The following CDKL5 variants were observed in gnomAD, a reference collection of about 807,000 sequenced individuals.
CDKL5 encodes cyclin dependent kinase like 5, also known as cyclin-dependent kinase-like 5.
Under a neutral mutation model 61.7 loss-of-function variants are expected in CDKL5, and 8 were observed. That is an observed-to-expected ratio of 0.13 (90% CI 0.08 to 0.23). The LOEUF (loss-of-function observed/expected upper bound fraction) is 0.23. Ranked by LOEUF, CDKL5 falls within the 10% of genes least tolerant of loss-of-function variation. The probability of loss-of-function intolerance (pLI) is 1.00; values close to 1 mark genes in which losing one functional copy is unlikely to be tolerated. For synonymous variants in CDKL5, 275 were observed against 272.3 expected, an observed-to-expected ratio of 1.01 and a Z score of -0.10; for missense variants, 440 against 734.5, an observed-to-expected ratio of 0.60 and a Z score of 4.63.
intron 21 of CDKL5, chrX:18,653,353 G>A (rs1928128054): frequency 2.6e-6 from 3 of 1,176,281 alleles, no homozygotes; most frequent in East Asian, 3.2e-5. Flanking sequence ...TCCGTGGGGG[G>A]CCCGGGCATT....
intron 14 of CDKL5, among the ~76,000 whole-genome samples, chrX:18,610,003 A>G (rs749892422): frequency 3.6e-5 from 4 of 112,244 alleles, no homozygotes; most frequent in African/African-American, 9.7e-5. Context: ...TAATAATTAT[A>G]TAGAGCAGTA....
chrX:18,464,439 T>C (rs1932356457), intron 1 of CDKL5, among the ~76,000 whole-genome samples: 1 of 111,746 alleles, frequency 8.9e-6, no homozygotes, highest in Admixed American at 9.6e-5. Context: ...ACTGTTAATA[T>C]CTCTTTGTCT....
chrX:18,642,692 C>A (rs996101457), downstream of CDKL5, among the ~76,000 whole-genome samples: 2 of 112,661 alleles, frequency 1.8e-5, no homozygotes, highest in African/African-American at 6.4e-5. Flanking sequence ...TGTATTCCTA[C>A]TTTGATACAA....
chrX:18,628,364 C>T lies in CDKL5; in HGVS notation c.2497-7C>T, dbSNP rs1927133681. The T allele has an allele frequency of 8.3e-7, 1 of 1,210,327 alleles. No homozygotes were observed. On this transcript the variant is annotated splice_polypyrimidine_tract_variant and splice_region_variant and intron_variant, in intron 17 of 17. Coordinates refer to ENST00000623535, the MANE Select transcript of CDKL5 (RefSeq NM_001323289.2). ...AATCCTGTGTGCATTCTCATCCTTT[C>T]TTTCAGAGCCAGCCATTAAAATCAC...
At chrX:18,548,947 T>G (rs745685559) in intron 3 of CDKL5, among the ~76,000 whole-genome samples, 9 of 112,223 alleles carry the variant, frequency 8.0e-5, no homozygotes, top group Middle Eastern at 4.6e-3. Context: ...ATTTTCTTAT[T>G]TTATAAGAAA....
intron 2 of CDKL5, 52 bp from the exon 3 acceptor site, chrX:18,510,768 A>T: frequency 9.9e-7 from 1 of 1,011,020 alleles, no homozygotes; most frequent in Non-Finnish European, 1.4e-6. Context: ...AGTATAGCAG[A>T]GCTTTGTAGT....
At chrX:18,644,347 A>G (rs1927688987), downstream of CDKL5, 3 of 855,557 alleles carry the variant, frequency 3.5e-6, no homozygotes, top group East Asian at 9.3e-5. Flanking sequence ...GCTCTGACAG[A>G]GGGCAGTGAC....
chrX:18,509,091 AACACACACACAC>A (rs34278137), intron 2 of CDKL5, among the ~76,000 whole-genome samples: 18 of 74,877 alleles, frequency 2.4e-4, no homozygotes, highest in Admixed American at 2.1e-3. Flanking sequence ...ACTGTCTCAA[AACACACACACAC>A]ACACACACAC....
rs1004905224 is a variant in CDKL5 at position 18,631,025 on chromosome X, T to C, written c.*2268T>C. On this transcript the variant is annotated 3_prime_UTR_variant, in exon 18 of 18. Coordinates refer to ENST00000623535, the MANE Select transcript of CDKL5 (RefSeq NM_001323289.2). The stretch of plus-strand genomic sequence containing the variant: ...TCTGGAAAGACTTCTCACTGTGCTA[T>C]GCGCTTAGGAACTGCACGGTCCCGT... The C allele has an allele frequency of 4.0e-6, 3 of 748,155 alleles. No individual in the cohort carries two copies. The African/African-American group carries it at 7.2e-5, about 18-fold the overall frequency. The allele number at this position is 748,155 out of a possible 1,213,427, so 61.7% of individuals were successfully genotyped here.
rs1166618197 is a variant in CDKL5, at chrX:18,460,417, A to G, written c.-163+34722A>G. Reference sequence around the variant, plus strand: ...TCTCCCACCAGGCCCCGCCTCCAACATTGAGGATTACAATTGAACCTGAGA... The same window carrying G: ...TCTCCCACCAGGCCCCGCCTCCAACGTTGAGGATTACAATTGAACCTGAGA... On this transcript the variant is annotated intron_variant, in intron 1 of 17. Coordinates refer to ENST00000623535, the MANE Select transcript of CDKL5 (RefSeq NM_001323289.2). Among the ~76,000 whole-genome samples, 3 of 112,195 alleles carry G rather than the reference A, an allele frequency of 2.7e-5. No homozygotes were observed. In the East Asian group the frequency reaches 8.4e-4, roughly 31 times the overall value.
At chrX:18,444,275 C>T (rs903009375) in intron 1 of CDKL5, among the ~76,000 whole-genome samples, 1 of 110,930 alleles carries the variant, frequency 9.0e-6, no homozygotes, top group Non-Finnish European at 1.9e-5. Flanking sequence ...GATTTTTCAT[C>T]ACATCCTTCG....
chrX:18,445,633 TC>T (rs997699986), intron 1 of CDKL5, among the ~76,000 whole-genome samples: 3 of 110,715 alleles, frequency 2.7e-5, no homozygotes, highest in African/African-American at 9.9e-5. Context: ...GGGGGCGGTT[TC>T]CCCCGTGCTG....
intron 15 of CDKL5, among the ~76,000 whole-genome samples, chrX:18,617,989 CTTTCATCT>C (rs1926771183): frequency 8.9e-6 from 1 of 111,985 alleles, no homozygotes; most frequent in Non-Finnish European, 1.9e-5. Context: ...CCCCTTCTCA[CTTTCATCT>C]TATTCACCGT....
At chrX:18,489,285 C>T (rs1055139066) in intron 1 of CDKL5, among the ~76,000 whole-genome samples, 32 of 110,923 alleles carry the variant, frequency 2.9e-4, no homozygotes, top group African/African-American at 8.9e-4. Context: ...CTCAGCCTCC[C>T]GAGTAGCTGG....
At chrX:18,431,383 C>T (rs1167149076) in intron 1 of CDKL5, among the ~76,000 whole-genome samples, 1 of 110,920 alleles carries the variant, frequency 9.0e-6, no homozygotes, top group Non-Finnish European at 1.9e-5. Flanking sequence ...CATATTTCTA[C>T]ACAGGTGGGA....
At position 18,505,250 on chromosome X, in the gene CDKL5, G is replaced by A. The variant is rs190745968; in HGVS notation, c.-162-1685G>A. ...TCATACACACATATAATTTTTCTCA[G>A]TGGTTTAAGTTGTAAACATGATGCC... On this transcript the variant is annotated intron_variant, in intron 1 of 17. Coordinates refer to ENST00000623535, the MANE Select transcript of CDKL5 (RefSeq NM_001323289.2). Among the ~76,000 whole-genome samples, 637 of 110,768 alleles carry A rather than the reference G, an allele frequency of 5.8e-3. 2 individuals carry two copies. Among genetic ancestry groups the A allele is most frequent in the Middle Eastern group, 0.047 (10 of 214 alleles).
chrX:18,532,512 G>T, intron 3 of CDKL5, among the ~76,000 whole-genome samples: 1 of 110,811 alleles, frequency 9.0e-6, no homozygotes, highest in Admixed American at 9.6e-5. Context: ...GACTAAGCAC[G>T]GCTTAAATTT....
At chrX:18,651,775 A>G (rs1343455362) in intron 21 of CDKL5, among the ~76,000 whole-genome samples, 1 of 111,551 alleles carries the variant, frequency 9.0e-6, no homozygotes, top group Non-Finnish European at 1.9e-5. Flanking sequence ...AAAATGTGAC[A>G]TTTCCCACAC....
At chrX:18,460,124 C>T (rs1403579638) in intron 1 of CDKL5, among the ~76,000 whole-genome samples, 1 of 111,063 alleles carries the variant, frequency 9.0e-6, no homozygotes, top group African/African-American at 3.3e-5. Flanking sequence ...TGGTCTCGAT[C>T]TCTTGACCTC....
Sources: allele counts gnomAD v4.1 joint callset (sites outside exome capture counted in the v4.1 genomes callset), GRCh38; gene constraint gnomAD v4.1.1; transcripts MANE v1.5; gene names NCBI Gene and HGNC (gene_info 2026-07-23, HGNC 2026-07-21).